ANKRD45: variants seen among roughly 807,000 people sequenced by gnomAD.
ANKRD45 encodes ankyrin repeat domain 45.
Under a neutral mutation model 28.1 loss-of-function variants are expected in ANKRD45, and 21 were observed. The ratio of observed to expected loss-of-function variants is 0.75; its 90% CI spans 0.53 to 1.08. ANKRD45 has a LOEUF of 1.08. Among genes scored for constraint, ANKRD45 ranks in the 50% least tolerant of loss-of-function variants. The pLI, the probability that ANKRD45 is intolerant of heterozygous loss-of-function variation, is 0.00. For missense variants in ANKRD45, 261 were observed against 308.7 expected (o/e 0.85, Z 1.16); for synonymous variants, 86 against 103.9 (o/e 0.83, Z 1.05).
chr1:173,668,860 G>C (rs1670131842), intron 1 of ANKRD45, among the ~76,000 whole-genome samples: 1 of 152,220 alleles, frequency 6.6e-6, no homozygotes, highest in African/African-American at 2.4e-5. Context: ...GCATTGGAGG[G>C]AAGAGGGAAG....
At chr1:173,694,256 C>T in the ANKRD45 span, among the ~76,000 whole-genome samples, 8 of 152,016 alleles carry the variant, frequency 5.3e-5, no homozygotes, top group African/African-American at 1.7e-4. Flanking sequence ...CTCCGCCTCC[C>T]GGGTTCAAGC....
At chr1:173,699,110 A>T in the ANKRD45 span, among the ~76,000 whole-genome samples, 1 of 152,230 alleles carries the variant, frequency 6.6e-6, no homozygotes, top group East Asian at 1.9e-4. Context: ...CACCCTCCCT[A>T]CACTAAACCA....
the ANKRD45 span, among the ~76,000 whole-genome samples, chr1:173,705,660 C>T: frequency 1.3e-5 from 2 of 151,550 alleles, no homozygotes; most frequent in African/African-American, 2.4e-5. Flanking sequence ...AAGTGAGACT[C>T]TGTGTTAAAA....
the ANKRD45 span, among the ~76,000 whole-genome samples, chr1:173,710,916 G>A: frequency 8.6e-5 from 13 of 151,908 alleles, no homozygotes; most frequent in African/African-American, 3.1e-4. Flanking sequence ...AAGGGGAGAG[G>A]ATCACTTGAG....
chr1:173,630,242 A>G (rs1668129282), intron 3 of ANKRD45, among the ~76,000 whole-genome samples: 1 of 152,218 alleles, frequency 6.6e-6, no homozygotes, highest in Admixed American at 6.5e-5. Flanking sequence ...TGGTAATAGT[A>G]AGTACACAGA....
chr1:173,633,637 G>T (rs969704451), intron 3 of ANKRD45, among the ~76,000 whole-genome samples: 1 of 151,944 alleles, frequency 6.6e-6, no homozygotes, highest in African/African-American at 2.4e-5. Context: ...CATGGGACTG[G>T]CCTAAAAATA....
At chr1:173,688,547 C>CCTCTCTGCCTCTTCCTCTCTCT in the ANKRD45 span, among the ~76,000 whole-genome samples, 3 of 81,066 alleles carry the variant, frequency 3.7e-5, no homozygotes, top group Non-Finnish European at 7.0e-5. Flanking sequence ...CCTCTCTCTC[C>CCTCTCTGCCTCTTCCTCTCTCT]CTCTCTGCCT....
At chr1:173,706,912 G>A in the ANKRD45 span, among the ~76,000 whole-genome samples, 3 of 152,122 alleles carry the variant, frequency 2.0e-5, no homozygotes, top group African/African-American at 7.2e-5. Context: ...GGTCACAAAT[G>A]AGTGCATTCT....
chr1:173,679,372 G>C, the ANKRD45 span, among the ~76,000 whole-genome samples: 1 of 152,142 alleles, frequency 6.6e-6, no homozygotes, highest in Non-Finnish European at 1.5e-5. Context: ...GAACAGAACA[G>C]AGGCCTCAGA....
chr1:173,682,162 C>T, the ANKRD45 span, among the ~76,000 whole-genome samples: 1 of 152,022 alleles, frequency 6.6e-6, no homozygotes. Flanking sequence ...CTTTTAACTG[C>T]ATCTCTGAGC....
the ANKRD45 span, among the ~76,000 whole-genome samples, chr1:173,685,032 C>A: frequency 6.6e-6 from 1 of 152,172 alleles, no homozygotes; most frequent in Non-Finnish European, 1.5e-5. Context: ...CTATAAGAGG[C>A]TTCTCTTGCT....
intron 3 of ANKRD45, chr1:173,637,038 T>TA (rs1217048301): frequency 6.7e-7 from 1 of 1,485,574 alleles, no homozygotes; most frequent in African/African-American, 1.4e-5. Context: ...AGATACTAAA[T>TA]AAATGCATAT....
intron 2 of ANKRD45, among the ~76,000 whole-genome samples, chr1:173,656,450 T>C (rs1004823082): frequency 2.0e-5 from 3 of 152,370 alleles, no homozygotes; most frequent in Admixed American, 6.5e-5. Flanking sequence ...TATGTACCTA[T>C]GAATAATCAG....
chr1:173,644,501 T>C (rs558856964), intron 3 of ANKRD45, among the ~76,000 whole-genome samples: 7 of 152,288 alleles, frequency 4.6e-5, no homozygotes, highest in African/African-American at 1.7e-4. Context: ...TCATTTCTTT[T>C]CACCACTAAG....
Sources: gnomAD v4.1 joint callset for allele counts (sites outside exome capture counted in the v4.1 genomes callset) on GRCh38, gnomAD v4.1.1 for gene constraint, MANE v1.5 for transcripts, NCBI Gene and HGNC (gene_info 2026-07-23, HGNC 2026-07-21) for gene names.